HSD3B1: variants seen among roughly 807,000 people sequenced by gnomAD.
HSD3B1 encodes hydroxy-delta-5-steroid dehydrogenase, 3 beta- and steroid delta-isomerase 1, also known as 3 beta-hydroxysteroid dehydrogenase/Delta 5-->4-isomerase type 1.
HSD3B1 carries 11 observed loss-of-function variants against 10.4 expected under a neutral mutation model. The ratio of observed to expected loss-of-function variants is 1.05; its 90% CI spans 0.66 to 1.75. HSD3B1 has a LOEUF of 1.75. Among genes scored for constraint, HSD3B1 ranks in the 40% most tolerant of loss-of-function variants. HSD3B1 has a pLI of 0.00. For synonymous variants in HSD3B1, 217 were observed against 185.4 expected (o/e 1.17, Z -1.39); for missense variants, 490 against 454.5 (o/e 1.08, Z -0.71).
In HSD3B1 at chr1:119,511,597, C is replaced by T; in HGVS notation, c.240C>T (p.Ile80=). 1 of 1,613,704 alleles carries T rather than the reference C, an allele frequency of 6.2e-7. No homozygotes were observed. Among genetic ancestry groups the T allele is most frequent in the South Asian group, 1.1e-5 (1 of 91,060 alleles). The part of the protein sequence containing the change: ...KRACQDVSVI[I]HTACIIDVFG... Reference sequence around the variant, plus strand: ...CCTGCCAGGACGTCTCGGTCATCATCCACACCGCCTGTATCATTGATGTCT... The same window carrying T: ...CCTGCCAGGACGTCTCGGTCATCATTCACACCGCCTGTATCATTGATGTCT... The change falls in exon 3 of 4, where the codon ATC becomes ATT. Residue 80 remains isoleucine (I), a synonymous_variant. Transcript: ENST00000369413.
chr1:119,510,944 C>G (rs1017150308), intron 2 of HSD3B1, among the ~76,000 whole-genome samples: 2 of 151,526 alleles, frequency 1.3e-5, no homozygotes, highest in Non-Finnish European at 2.9e-5. Flanking sequence ...TGGGATTTCC[C>G]CATGTTGTCC....
chr1:119,514,749 C>G lies in HSD3B1; in HGVS notation c.*104C>G. On this transcript the variant is annotated 3_prime_UTR_variant, in exon 4 of 4. Transcript: ENST00000369413. ...AGTGACAAGGGCACAAGCTCAGGTC[C>G]TGCTGCCTCCCTTTCATACAATGGC... The G allele has an allele frequency of 7.8e-7, 1 of 1,281,066 alleles. No individual in the cohort carries two copies. The highest frequency in any genetic ancestry group is 1.1e-6 in the Non-Finnish European group (1 of 902,044). 79.4% of individuals were successfully genotyped at this position (1,281,066 alleles called of 1,614,324 possible).
chr1:119,510,450 A>G (rs1410551356), intron 2 of HSD3B1, among the ~76,000 whole-genome samples: 3 of 152,048 alleles, frequency 2.0e-5, no homozygotes, highest in Non-Finnish European at 4.4e-5. Flanking sequence ...TCCTTTTCCT[A>G]TCAGCTCAGA....
At chr1:119,512,823 T>C (rs1653974660) in intron 3 of HSD3B1, among the ~76,000 whole-genome samples, 1 of 152,160 alleles carries the variant, frequency 6.6e-6, no homozygotes, top group African/African-American at 2.4e-5. Flanking sequence ...AACTCCAAAT[T>C]TTCTCTGCCA....
intron 2 of HSD3B1, chr1:119,507,985 A>T (rs587594327): frequency 1.2e-5 from 3 of 241,788 alleles, no homozygotes; most frequent in Non-Finnish European, 2.4e-5. Context: ...CATAAAGGAC[A>T]CTATTACCCT....
In HSD3B1 at chr1:119,514,045, GAA is replaced by G. The variant is rs768755188; in HGVS notation, c.526_527del (p.Asn176ArgfsTer25). On this transcript the variant is annotated frameshift_variant, in exon 4 of 4. Coordinates refer to ENST00000369413, the MANE Select transcript of HSD3B1 (RefSeq NM_000862.3). LOFTEE classifies it low-confidence loss of function (END_TRUNC). ...AVLAANGWNL[K>X]NGGTLYTCAL... The stretch of plus-strand genomic sequence containing the variant: ...TACTGGCGGCTAACGGGTGGAATCT[GAA>G]AAACGGCGGCACCCTGTACACTTGT... 3.1e-6 allele frequency: 5 copies of G among 1,614,024 alleles called. No homozygotes were observed. Among genetic ancestry groups the G allele is most frequent in the Non-Finnish European group, 4.2e-6 (5 of 1,180,014 alleles).
chr1:119,510,765 GGT>G (rs1653916142), intron 2 of HSD3B1, among the ~76,000 whole-genome samples: 1 of 71,266 alleles, frequency 1.4e-5, no homozygotes, highest in African/African-American at 8.9e-5. Context: ...GAGACAAGGT[GGT>G]CTTGCTCTAC....
chr1:119,512,024 T>C (rs1158460951), intron 3 of HSD3B1: 5 of 268,688 alleles, frequency 1.9e-5, no homozygotes, highest in Non-Finnish European at 2.9e-5. Flanking sequence ...CTTCAGACTC[T>C]TGATACCCAG....
In HSD3B1 at chr1:119,514,166, G is replaced by C. The variant is rs1333566970; in HGVS notation, c.643G>C (p.Val215Leu). 6.2e-7 allele frequency: 1 copy of C among 1,614,124 alleles called. No homozygotes were observed. The highest frequency in any genetic ancestry group is 1.1e-5 in the South Asian group (1 of 91,086). Reference protein sequence around the residue: ...ALNNNGILSSVGKFSTVNPVY... With the variant: ...ALNNNGILSSLGKFSTVNPVY... Reference sequence around the variant, plus strand: ...GAACAACAATGGGATCCTGTCAAGTGTTGGAAAGTTCTCCACTGTTAACCC... The same window carrying C: ...GAACAACAATGGGATCCTGTCAAGTCTTGGAAAGTTCTCCACTGTTAACCC... Residue 215 changes from valine (V) to leucine (L), a missense_variant, in exon 4 of 4, where the codon GTT (valine) becomes CTT (leucine). Val to Leu is a conservative substitution (Grantham distance 32). Transcript: ENST00000369413.
rs1279905414 is a variant in HSD3B1, at chr1:119,507,229, CTCTTCTG to C, written c.-116_-110del. On this transcript the variant is annotated 5_prime_UTR_variant, in exon 1 of 4. Transcript: ENST00000369413. The stretch of plus-strand genomic sequence containing the variant: ...GGAAATGAGGTGAGAAGTACGTCCA[CTCTTCTG>C]TCCAGCTTTTAACAATCTAACTAAT... 4.2e-6 allele frequency: 2 copies of C among 475,370 alleles called. No individual in the cohort carries two copies. The highest frequency in any genetic ancestry group is 3.9e-5 in the African/African-American group (2 of 50,862). 29.4% of individuals were successfully genotyped at this position (475,370 alleles called of 1,614,324 possible).
chr1:119,507,665 C>G (rs375154268), intron 2 of HSD3B1, 44 bp downstream of exon 2: 5 of 1,601,010 alleles, frequency 3.1e-6, no homozygotes, highest in Non-Finnish European at 4.3e-6. Context: ...ATCTTAAACA[C>G]TGCATGTATG....
At position 119,511,645 on chromosome 1, in the gene HSD3B1, T is replaced by A. The variant is rs760406350; in HGVS notation, c.288T>A (p.Ser96=). The A allele has an allele frequency of 6.2e-7, 1 of 1,605,452 alleles. No homozygotes were observed. Among genetic ancestry groups the A allele is most frequent in the African/African-American group, 1.4e-5 (1 of 72,412 alleles). Reference sequence around the variant, plus strand: ...TCTTCGGTGTCACTCACAGAGAGTCTATCATGAATGTCAATGTGAAAGGTA... The same window carrying A: ...TCTTCGGTGTCACTCACAGAGAGTCAATCATGAATGTCAATGTGAAAGGTA... ...IDVFGVTHRE[S]IMNVNVKGTQ... The change falls in exon 3 of 4, where the codon TCT becomes TCA. Residue 96 remains serine, a synonymous_variant. Coordinates refer to ENST00000369413, the MANE Select transcript of HSD3B1 (RefSeq NM_000862.3).
intron 3 of HSD3B1, 67 bp from the exon 4 acceptor site, chr1:119,513,767 T>C: frequency 1.4e-6 from 2 of 1,461,608 alleles, no homozygotes; most frequent in South Asian, 1.2e-5. Flanking sequence ...GGCACATAGA[T>C]CTGTGTTCGT....
At chr1:119,511,937 A>T in intron 3 of HSD3B1, 3 of 405,518 alleles carry the variant, frequency 7.4e-6, no homozygotes, top group Non-Finnish European at 9.1e-6. Flanking sequence ...TCCCTGTGTG[A>T]CTCCAAAGGC....
In HSD3B1 at chr1:119,507,612, G is replaced by T. The variant is rs369792933; in HGVS notation, c.136G>T (p.Glu46Ter). 4.3e-6 allele frequency: 7 copies of T among 1,613,766 alleles called. No individual in the cohort carries two copies. The East Asian group carries it at 1.3e-4, about 31-fold the overall frequency. The change falls in exon 2 of 4, where the codon GAA becomes TAA. Residue 46 changes from glutamate to a stop codon, truncating the protein, a stop_gained. Transcript: ENST00000369413. LOFTEE classifies it high-confidence loss of function. Reference protein sequence around the residue: ...DKAFGPELREEFSKLQNKTKL... With the variant: ...DKAFGPELRE ...GGCCTTCGGACCAGAATTGAGAGAG[G>T]AATTTTCTAGTAAGTAAACTTGGGT... is the stretch of plus-strand genomic sequence containing the variant.
intron 3 of HSD3B1, among the ~76,000 whole-genome samples, chr1:119,512,838 A>G (rs1009959433): frequency 3.3e-4 from 50 of 152,348 alleles, no homozygotes; most frequent in African/African-American, 1.1e-3. Flanking sequence ...CTGCCACAAG[A>G]TTAATTTTTG....
rs6201 is a variant in HSD3B1, at chr1:119,511,592, A to G, written c.235A>G (p.Ile79Val). The G allele has an allele frequency of 0.025, 40,485 of 1,613,244 alleles. 4,875 individuals carry two copies. The African/African-American group carries it at 0.34, about 13-fold the overall frequency. ...LKRACQDVSVIIHTACIIDVF... is the reference protein window; with the variant it reads ...LKRACQDVSVVIHTACIIDVF... ...GAGAGCCTGCCAGGACGTCTCGGTCATCATCCACACCGCCTGTATCATTGA... is the reference window on the plus strand; with the variant it reads ...GAGAGCCTGCCAGGACGTCTCGGTCGTCATCCACACCGCCTGTATCATTGA... Residue 79 changes from isoleucine to valine, a missense_variant, in exon 3 of 4, where the codon ATC becomes GTC. Physicochemically the swap from Ile to Val is conservative, Grantham distance 29 (BLOSUM62 3). Transcript: ENST00000369413.
At position 119,514,216 on chromosome 1, in the gene HSD3B1, G is replaced by A; in HGVS notation, c.693G>A (p.Trp231Ter). The part of the protein sequence containing the change: ...VNPVYVGNVA[W>*]AHILALRALQ... The stretch of plus-strand genomic sequence containing the variant: ...CAGTCTATGTTGGCAATGTGGCCTG[G>A]GCCCACATTCTGGCCTTGAGGGCCC... The change falls in exon 4 of 4, where the codon TGG (tryptophan) becomes TGA (stop). Residue 231 changes from tryptophan (W) to a stop codon, truncating the protein, a stop_gained. Transcript: ENST00000369413. LOFTEE classifies it low-confidence loss of function (END_TRUNC). 3 of 1,614,048 alleles carry A rather than the reference G, an allele frequency of 1.9e-6. No homozygotes were observed. The highest frequency in any genetic ancestry group is 2.5e-6 in the Non-Finnish European group (3 of 1,179,980).
chr1:119,513,153 G>T (rs587598305), intron 3 of HSD3B1, among the ~76,000 whole-genome samples: 1 of 152,266 alleles, frequency 6.6e-6, no homozygotes, highest in South Asian at 2.1e-4. Flanking sequence ...TACATAACCA[G>T]GTAAACAGAG....
Sources: allele counts gnomAD v4.1 joint callset (sites outside exome capture counted in the v4.1 genomes callset), GRCh38; gene constraint gnomAD v4.1.1; transcripts MANE v1.5; gene names NCBI Gene and HGNC (gene_info 2026-07-23, HGNC 2026-07-21).